The following KIF20B variants were observed in gnomAD, a reference collection of about 807,000 sequenced individuals.
KIF20B encodes the protein kinesin-like protein KIF20B.
In KIF20B, 188 loss-of-function variants were observed where a neutral mutation model predicts 232.5. The ratio of observed to expected loss-of-function variants is 0.81; its 90% CI spans 0.72 to 0.91. KIF20B has a LOEUF of 0.91. Among genes scored for constraint, KIF20B ranks in the 40% least tolerant of loss-of-function variants. The pLI is 0.00. For synonymous variants in KIF20B, 712 were observed against 683.0 expected (o/e 1.04, Z -0.66); for missense variants, 2,154 against 2,055.9 (o/e 1.05, Z -0.92).
At chr10:89,769,812 G>C (rs1266343101) in intron 31 of KIF20B, among the ~76,000 whole-genome samples, 1 of 151,936 alleles carries the variant, frequency 6.6e-6, no homozygotes, top group Non-Finnish European at 1.5e-5. Context: ...ACTATCTTAG[G>C]GGTGAGATGG....
At chr10:89,716,972 G>A (rs1409973733) in intron 9 of KIF20B, among the ~76,000 whole-genome samples, 1 of 152,186 alleles carries the variant, frequency 6.6e-6, no homozygotes, top group African/African-American at 2.4e-5. Flanking sequence ...TAAGCAGTGA[G>A]ATAATTAAAG....
chr10:89,714,874 G>T, intron 7 of KIF20B, 81 bp from the exon 8 acceptor site: 1 of 860,076 alleles, frequency 1.2e-6, no homozygotes, highest in East Asian at 2.6e-5. Context: ...TTTCAAGTGT[G>T]AGAATCGATT....
rs1406406729 is a variant in KIF20B, at chr10:89,774,357, G to A, written c.*309G>A. ...ACAGGATGTAATAGGTCAGGTATTT[G>A]GTTTACTTATATTTAACAATGTCTT... On this transcript the variant is annotated 3_prime_UTR_variant, in exon 33 of 33. Coordinates refer to ENST00000371728, the MANE Select transcript of KIF20B (RefSeq NM_001284259.2). The A allele has an allele frequency of 4.4e-5, 8 of 180,230 alleles. No homozygotes were observed. Among genetic ancestry groups the A allele is most frequent in the African/African-American group, 1.9e-4 (8 of 42,484 alleles). 11.2% of individuals were successfully genotyped at this position (180,230 alleles called of 1,614,324 possible).
rs397947713 is a variant in KIF20B, at chr10:89,735,535, CTTTT to C, written c.2546-1834_2546-1831del. ...GATACCAATGGAAAGTAGTAAGTGT[CTTTT>C]TTTTTTTTTTTTTTTTTGAGACAGA... On this transcript the variant is annotated intron_variant, in intron 19 of 32. Coordinates refer to ENST00000371728, the MANE Select transcript of KIF20B (RefSeq NM_001284259.2). 3.7e-5 allele frequency among the ~76,000 whole-genome samples: 4 copies of C among 108,146 alleles called. No individual in the cohort carries two copies. The East Asian group carries it at 8.7e-4, about 23-fold the overall frequency. The allele number at this position is 108,146 out of a possible 152,430, so 70.9% of individuals were successfully genotyped here. A position where few individuals can be genotyped will look rare whatever the true frequency, so the allele number is the denominator to read the frequency against.
At chr10:89,733,492 A>G (rs1843374997) in intron 19 of KIF20B, among the ~76,000 whole-genome samples, 1 of 152,194 alleles carries the variant, frequency 6.6e-6, no homozygotes, top group Admixed American at 6.5e-5. Flanking sequence ...TATTTGTGAT[A>G]CCAGGAGACA....
intron 22 of KIF20B, 60 bp downstream of exon 22, chr10:89,743,987 CA>C: frequency 7.3e-7 from 1 of 1,374,898 alleles, no homozygotes; most frequent in Admixed American, 2.7e-5. Flanking sequence ...TTTTAGTGTA[CA>C]AAAAGGTACA....
At chr10:89,720,728 G>C (rs1448362204) in intron 13 of KIF20B, among the ~76,000 whole-genome samples, 1 of 152,010 alleles carries the variant, frequency 6.6e-6, no homozygotes, top group Admixed American at 6.6e-5. Flanking sequence ...ATTTTTGAGA[G>C]AGGGTCTTGC....
rs1264211249 is a variant in KIF20B at position 89,724,086 on chromosome 10, A to T, written c.1845A>T (p.Gln615His). 9 of 1,500,646 alleles carry T rather than the reference A, an allele frequency of 6.0e-6. No homozygotes were observed. The highest frequency in any genetic ancestry group is 2.9e-5 in the South Asian group (2 of 69,768). 93.0% of individuals were successfully genotyped at this position (1,500,646 alleles called of 1,614,324 possible). ...AGGAGTTTACTCAGTATTGGGCTCA[A>T]CGGGAAGCTGACTTTAAGTAAGTTA... is the stretch of plus-strand genomic sequence containing the variant. Reference protein sequence around the residue: ...VTQEFTQYWAQREADFKETLL... With the variant: ...VTQEFTQYWAHREADFKETLL... The change falls in exon 14 of 33, where the codon CAA becomes CAT. Residue 615 changes from glutamine to histidine, a missense_variant. Gln to His is a conservative substitution (Grantham distance 24). Coordinates refer to ENST00000371728, the MANE Select transcript of KIF20B (RefSeq NM_001284259.2).
chr10:89,713,730 G>T (rs1842880218), intron 6 of KIF20B, among the ~76,000 whole-genome samples: 1 of 152,116 alleles, frequency 6.6e-6, no homozygotes, highest in Admixed American at 6.5e-5. Context: ...ATCAAATGTT[G>T]TAAACAATTT....
At chr10:89,703,051 A>G (rs1842644353) in intron 1 of KIF20B, among the ~76,000 whole-genome samples, 1 of 152,256 alleles carries the variant, frequency 6.6e-6, no homozygotes. Flanking sequence ...TGCTTTTAGT[A>G]CATAGGAATA....
At chr10:89,728,945 G>A (rs1033444678) in intron 17 of KIF20B, among the ~76,000 whole-genome samples, 183 bp from the exon 18 acceptor site, 23 of 75,536 alleles carry the variant, frequency 3.0e-4, no homozygotes, top group African/African-American at 1.4e-3. Context: ...GTGTGTGTGT[G>A]TGTATGTAAT....
chr10:89,702,826 C>G (rs1842640916), intron 1 of KIF20B, among the ~76,000 whole-genome samples: 1 of 151,554 alleles, frequency 6.6e-6, no homozygotes, highest in South Asian at 2.1e-4. Flanking sequence ...GTCTTTATCC[C>G]TGCATAAGTC....
chr10:89,731,599 A>T (rs868198027), intron 18 of KIF20B, among the ~76,000 whole-genome samples: 1 of 152,182 alleles, frequency 6.6e-6, no homozygotes, highest in Non-Finnish European at 1.5e-5. Flanking sequence ...GGGAGCAGAA[A>T]ACCCTCCTTT....
intron 26 of KIF20B, among the ~76,000 whole-genome samples, chr10:89,756,157 A>G (rs2133158505): frequency 6.6e-6 from 1 of 152,296 alleles, no homozygotes; most frequent in Non-Finnish European, 1.5e-5. Context: ...CTCTGTCCTC[A>G]TGTCACATGG....
In KIF20B at chr10:89,719,646, T is replaced by G. The variant is rs1338918540; in HGVS notation, c.1662T>G (p.Asp554Glu). 1 of 1,612,946 alleles carries G rather than the reference T, an allele frequency of 6.2e-7. No homozygotes were observed. The highest frequency in any genetic ancestry group is 2.2e-5 in the East Asian group (1 of 44,794). Residue 554 changes from aspartate (D) to glutamate (E), a missense_variant, in exon 13 of 33, where the codon GAT becomes GAG. Coordinates refer to ENST00000371728, the MANE Select transcript of KIF20B (RefSeq NM_001284259.2). ...AAAATGTGGAAACTAAACTTCTTGATGAAGATCTAGATAAAACATTAGAGG... is the reference window on the plus strand; with the variant it reads ...AAAATGTGGAAACTAAACTTCTTGAGGAAGATCTAGATAAAACATTAGAGG... ...ETQNVETKLL[D>E]EDLDKTLEEN...
At chr10:89,715,205 C>T (rs779966945) in intron 8 of KIF20B, 23 bp downstream of exon 8, 33 of 1,434,356 alleles carry the variant, frequency 2.3e-5, no homozygotes, top group Non-Finnish European at 3.0e-5. Context: ...ATATTTTTAT[C>T]TTATTGCTCT....
intron 26 of KIF20B, among the ~76,000 whole-genome samples, chr10:89,758,284 G>C (rs529068024): frequency 1.3e-5 from 2 of 151,952 alleles, no homozygotes; most frequent in South Asian, 2.1e-4. Flanking sequence ...GTATTTTATG[G>C]TTTTATACAT....
rs144113298 is a variant in KIF20B, at chr10:89,733,313, A to G, written c.2545+257A>G. On this transcript the variant is annotated intron_variant, in intron 19 of 32. Coordinates refer to ENST00000371728, the MANE Select transcript of KIF20B (RefSeq NM_001284259.2). Reference sequence around the variant, plus strand: ...AGTCTATGTAATAATTTCTGTGCTTATAATAGTTAAAACTCATTACTTTGA... The same window carrying G: ...AGTCTATGTAATAATTTCTGTGCTTGTAATAGTTAAAACTCATTACTTTGA... Among the ~76,000 whole-genome samples the G allele has an allele frequency of 3.4e-3, 462 of 134,764 alleles. 3 individuals are homozygous for G. The highest frequency in any genetic ancestry group is 0.013 in the African/African-American group (429 of 32,058). The allele number at this position is 134,764 out of a possible 152,430, so 88.4% of individuals were successfully genotyped here. A position where few individuals can be genotyped will look rare whatever the true frequency, so the allele number is the denominator to read the frequency against.
chr10:89,705,718 A>T (rs1589848741), intron 2 of KIF20B, among the ~76,000 whole-genome samples: 2 of 152,222 alleles, frequency 1.3e-5, no homozygotes, highest in Non-Finnish European at 2.9e-5. Flanking sequence ...TGGCACTATA[A>T]TGGCAGAGTT....
Sources: allele counts gnomAD v4.1 joint callset (sites outside exome capture counted in the v4.1 genomes callset), GRCh38; gene constraint gnomAD v4.1.1; transcripts MANE v1.5; gene names NCBI Gene and HGNC (gene_info 2026-07-23, HGNC 2026-07-21).